The following CCDC60 variants were observed in gnomAD, a reference collection of about 807,000 sequenced individuals.
CCDC60 encodes the protein coiled-coil domain-containing protein 60.
A neutral mutation model predicts 63.5 loss-of-function variants in CCDC60; 54 were observed. The observed-to-expected ratio is 0.85, with a 90% confidence interval of 0.68 to 1.07. The LOEUF (loss-of-function observed/expected upper bound fraction) is 1.07, where lower values mean the gene tolerates loss of function less well. Ranked by LOEUF, CCDC60 falls within the 50% of genes least tolerant of loss-of-function variation. The probability of loss-of-function intolerance (pLI) is 0.00; values close to 1 mark genes in which losing one functional copy is unlikely to be tolerated. For synonymous variants in CCDC60, 206 were observed against 238.8 expected, an observed-to-expected ratio of 0.86 and a Z score of 1.27; for missense variants, 651 against 684.3, an observed-to-expected ratio of 0.95 and a Z score of 0.54.
Position 119,335,141 on chromosome 12 carries a change from T to C in CCDC60, c.-36T>C, listed in dbSNP as rs1239675362. ...AGAAGATTCTGGAAAAATCCTTGTCTTGGGGGCACAGGCTAAAACCTGAAG... is the reference window on the plus strand; with the variant it reads ...AGAAGATTCTGGAAAAATCCTTGTCCTGGGGGCACAGGCTAAAACCTGAAG... On this transcript the variant is annotated 5_prime_UTR_variant, in exon 1 of 14. Transcript: ENST00000327554. The C allele has an allele frequency of 2.6e-6, 4 of 1,548,902 alleles. No homozygotes were observed. In the African/African-American group the frequency reaches 4.2e-5, roughly 16 times the overall value.
chr12:119,384,835 C>T (rs1956043731), intron 1 of CCDC60, among the ~76,000 whole-genome samples: 1 of 152,236 alleles, frequency 6.6e-6, no homozygotes, highest in African/African-American at 2.4e-5. Flanking sequence ...CATTCCAAGT[C>T]GTGGATTCTC....
At chr12:119,530,741 A>C (rs2136531715) in intron 12 of CCDC60, 133 bp from the exon 13 acceptor site, 3 of 636,166 alleles carry the variant, frequency 4.7e-6, no homozygotes, top group Non-Finnish European at 2.7e-6. Flanking sequence ...CACAGAGGAA[A>C]GGTCCCTAGA....
At chr12:119,449,355 T>C (rs1950591865) in intron 2 of CCDC60, among the ~76,000 whole-genome samples, 1 of 152,184 alleles carries the variant, frequency 6.6e-6, no homozygotes, top group African/African-American at 2.4e-5. Context: ...TTTCATTTGA[T>C]CACTTCTTCC....
At chr12:119,370,017 C>T (rs1434790816) in intron 1 of CCDC60, among the ~76,000 whole-genome samples, 1 of 152,118 alleles carries the variant, frequency 6.6e-6, no homozygotes, top group East Asian at 1.9e-4. Context: ...GGGATAAGGA[C>T]GTATACCTCC....
At chr12:119,405,498 A>G (rs893946243) in intron 1 of CCDC60, among the ~76,000 whole-genome samples, 12 of 152,180 alleles carry the variant, frequency 7.9e-5, no homozygotes, top group African/African-American at 2.9e-4. Flanking sequence ...AACTCCAACT[A>G]GGGCTCTCAA....
At chr12:119,533,199 G>A (rs530159703) in intron 13 of CCDC60, among the ~76,000 whole-genome samples, 1 of 152,078 alleles carries the variant, frequency 6.6e-6, no homozygotes, top group African/African-American at 2.4e-5. Context: ...TTTGTTTGTT[G>A]GCTGCATAAA....
chr12:119,528,848 G>T lies in CCDC60; in HGVS notation c.1361+102G>T, dbSNP rs1952762337. On this transcript the variant is annotated intron_variant, in intron 12 of 13. Coordinates refer to ENST00000327554, the MANE Select transcript of CCDC60 (RefSeq NM_178499.5). ...CCACTGTCCTTCAAGGCATAGAGAGGCATTACTCCAAAACTGTCATTGGCC... is the reference window on the plus strand; with the variant it reads ...CCACTGTCCTTCAAGGCATAGAGAGTCATTACTCCAAAACTGTCATTGGCC... 4 of 1,239,200 alleles carry T rather than the reference G, an allele frequency of 3.2e-6. No homozygotes were observed. In the South Asian group the frequency reaches 4.8e-5, roughly 15 times the overall value. The allele number at this position is 1,239,200 out of a possible 1,614,324, so 76.8% of individuals were successfully genotyped here. A position where few individuals can be genotyped will look rare whatever the true frequency, so the allele number is the denominator to read the frequency against.
intron 2 of CCDC60, chr12:119,429,012 C>A (rs1033092518): frequency 2.6e-6 from 1 of 391,878 alleles, no homozygotes; most frequent in Non-Finnish European, 4.6e-6. Context: ...CTTCCTGGAC[C>A]TGAATCCAAC....
intron 1 of CCDC60, among the ~76,000 whole-genome samples, chr12:119,412,414 G>T (rs1397900989): frequency 6.6e-6 from 1 of 152,112 alleles, no homozygotes; most frequent in Non-Finnish European, 1.5e-5. Context: ...GCCACTTGGG[G>T]GCTTAACCAC....
At chr12:119,350,520 A>C (rs1462781027) in intron 1 of CCDC60, among the ~76,000 whole-genome samples, 1 of 152,144 alleles carries the variant, frequency 6.6e-6, no homozygotes, top group Non-Finnish European at 1.5e-5. Context: ...GATGTGAGCC[A>C]CCATGCCCAG....
chr12:119,375,180 GACA>G (rs1403239857), intron 1 of CCDC60, among the ~76,000 whole-genome samples: 1 of 152,148 alleles, frequency 6.6e-6, no homozygotes, highest in African/African-American at 2.4e-5. Context: ...GGGGTTTAGG[GACA>G]ACGTGTCTTA....
chr12:119,522,660 C>A (rs1464602819), intron 9 of CCDC60, among the ~76,000 whole-genome samples: 2 of 152,192 alleles, frequency 1.3e-5, no homozygotes, highest in African/African-American at 4.8e-5. Context: ...AAGTTAGACA[C>A]AGGAGAGTTC....
chr12:119,431,330 G>A lies in CCDC60; in HGVS notation c.170+2568G>A, dbSNP rs149835245. ...GTGAGTCAGGAGTGCTGATTGGCTG[G>A]GTCAGAGATGAAATCACAGGGAACT... On this transcript the variant is annotated intron_variant, in intron 2 of 13. Transcript: ENST00000327554. Among the ~76,000 whole-genome samples the A allele has an allele frequency of 8.1e-3, 1,235 of 152,304 alleles. 10 individuals carry two copies. Among genetic ancestry groups the A allele is most frequent in the Non-Finnish European group, 0.012 (785 of 68,026 alleles).
chr12:119,371,101 A>G (rs1373461552), intron 1 of CCDC60, among the ~76,000 whole-genome samples: 2 of 152,136 alleles, frequency 1.3e-5, no homozygotes, highest in Non-Finnish European at 2.9e-5. Flanking sequence ...TGCCTCAGCG[A>G]TTGGATGGGT....
chr12:119,515,158 T>C (rs1684821632), intron 7 of CCDC60, among the ~76,000 whole-genome samples: 1 of 152,194 alleles, frequency 6.6e-6, no homozygotes, highest in South Asian at 2.1e-4. Context: ...CATTGTTAAA[T>C]GACACAATGG....
At chr12:119,353,155 CT>C (rs759109248) in intron 1 of CCDC60, among the ~76,000 whole-genome samples, 36 of 147,036 alleles carry the variant, frequency 2.4e-4, no homozygotes, top group African/African-American at 2.5e-4. Context: ...CCCTTTTCTC[CT>C]TTTTTTTTTA....
intron 4 of CCDC60, among the ~76,000 whole-genome samples, chr12:119,486,316 C>T (rs1355466713): frequency 2.0e-5 from 3 of 152,058 alleles, no homozygotes; most frequent in Admixed American, 6.6e-5. Flanking sequence ...GCAGGAGGAC[C>T]GCTGGAGGCC....
chr12:119,460,830 A>G (rs955111395), intron 2 of CCDC60, among the ~76,000 whole-genome samples: 4 of 152,198 alleles, frequency 2.6e-5, no homozygotes, highest in African/African-American at 9.6e-5. Flanking sequence ...TATTTGCTCA[A>G]TAATGACCTA....
At chr12:119,467,443 C>T (rs1950972424) in intron 2 of CCDC60, among the ~76,000 whole-genome samples, 2 of 152,224 alleles carry the variant, frequency 1.3e-5, no homozygotes, top group Admixed American at 1.3e-4. Context: ...TAGCCTCCAC[C>T]TTTGTGAATG....
Sources: gnomAD v4.1 joint callset for allele counts (sites outside exome capture counted in the v4.1 genomes callset) on GRCh38, gnomAD v4.1.1 for gene constraint, MANE v1.5 for transcripts, NCBI Gene and HGNC (gene_info 2026-07-23, HGNC 2026-07-21) for gene names.